The following LINGO2 variants were observed in gnomAD, a reference collection of about 807,000 sequenced individuals.
LINGO2 encodes the protein leucine-rich repeat and immunoglobulin-like domain-containing nogo receptor-interacting protein 2.
A neutral mutation model predicts 30.6 loss-of-function variants in LINGO2; 14 were observed. That is an observed-to-expected ratio of 0.46 (90% CI 0.30 to 0.72). LINGO2 has a LOEUF of 0.72. Ranked by LOEUF, LINGO2 falls within the 30% of genes least tolerant of loss-of-function variation. The probability of loss-of-function intolerance (pLI) is 0.07; values close to 1 mark genes in which losing one functional copy is unlikely to be tolerated. For synonymous variants in LINGO2, 317 were observed against 288.5 expected (o/e 1.10, Z -1.00); for missense variants, 729 against 751.7 (o/e 0.97, Z 0.35).
intron 1 of LINGO2, among the ~76,000 whole-genome samples, chr9:28,617,123 G>A (rs1267737145): frequency 6.6e-6 from 1 of 151,966 alleles, no homozygotes; most frequent in Non-Finnish European, 1.5e-5. Context: ...TATGAAAAAT[G>A]GAGTTATAGG....
chr9:28,043,174 G>C lies in LINGO2; in HGVS notation c.-86-30769C>G, dbSNP rs117015320. 9.3e-4 allele frequency among the ~76,000 whole-genome samples: 142 copies of C among 152,178 alleles called. No individual in the cohort carries two copies. In the East Asian group the frequency reaches 0.025, roughly 27 times the overall value. ...GTCAGTGTGTGCCTCCTCGGCATTTGAAGCTAGCACTAATTTTCAAATTTC... is the reference window on the plus strand; with the variant it reads ...GTCAGTGTGTGCCTCCTCGGCATTTCAAGCTAGCACTAATTTTCAAATTTC... On this transcript the variant is annotated intron_variant, in intron 4 of 5. Transcript: ENST00000379992.
chr9:28,842,820 A>T, the LINGO2 span, among the ~76,000 whole-genome samples: 1 of 151,778 alleles, frequency 6.6e-6, no homozygotes, highest in African/African-American at 2.4e-5. Context: ...TTCAACACTA[A>T]TCCCATCTCT....
At chr9:28,716,505 G>A in the LINGO2 span, among the ~76,000 whole-genome samples, 9 of 151,964 alleles carry the variant, frequency 5.9e-5, no homozygotes, top group South Asian at 2.1e-4. Context: ...TAAGACCTGC[G>A]TTAAAAAGAA....
At chr9:28,321,772 T>C (rs1825051630) in intron 3 of LINGO2, among the ~76,000 whole-genome samples, 1 of 152,180 alleles carries the variant, frequency 6.6e-6, no homozygotes, top group Non-Finnish European at 1.5e-5. Flanking sequence ...GAACATATTT[T>C]AGGTCATGTC....
intron 4 of LINGO2, among the ~76,000 whole-genome samples, chr9:28,162,141 A>G (rs1828304917): frequency 6.6e-6 from 1 of 152,134 alleles, no homozygotes; most frequent in Non-Finnish European, 1.5e-5. Context: ...GCCAGAAACC[A>G]GTACCAAATT....
At chr9:28,858,810 A>G in the LINGO2 span, among the ~76,000 whole-genome samples, 1 of 152,130 alleles carries the variant, frequency 6.6e-6, no homozygotes, top group Non-Finnish European at 1.5e-5. Flanking sequence ...CATTTTAAAA[A>G]AGAATTGAAT....
the LINGO2 span, among the ~76,000 whole-genome samples, chr9:29,104,841 C>T: frequency 6.6e-6 from 1 of 152,102 alleles, no homozygotes; most frequent in Non-Finnish European, 1.5e-5. Context: ...CAAATTTCTA[C>T]ACGAATATAT....
intron 5 of LINGO2, among the ~76,000 whole-genome samples, chr9:27,973,839 G>A (rs994354398): frequency 6.6e-6 from 1 of 152,190 alleles, no homozygotes; most frequent in African/African-American, 2.4e-5. Context: ...TTGTATTAGT[G>A]TTTTATCAAA....
chr9:28,103,227 A>G (rs1027035181), intron 4 of LINGO2, among the ~76,000 whole-genome samples: 1 of 152,154 alleles, frequency 6.6e-6, no homozygotes, highest in African/African-American at 2.4e-5. Flanking sequence ...GAAAAGCATA[A>G]TTAAGTGAAA....
At chr9:28,232,825 T>C (rs150445175) in intron 4 of LINGO2, among the ~76,000 whole-genome samples, 1 of 151,712 alleles carries the variant, frequency 6.6e-6, no homozygotes, top group East Asian at 1.9e-4. Flanking sequence ...GCTTGACTTC[T>C]TGCATTCCCC....
chr9:28,970,608 C>G, the LINGO2 span, among the ~76,000 whole-genome samples: 3 of 152,096 alleles, frequency 2.0e-5, no homozygotes, highest in Non-Finnish European at 4.4e-5. Flanking sequence ...GCATTGAACT[C>G]TGGGCCGTGT....
At chr9:28,549,662 G>A (rs914967541) in intron 1 of LINGO2, among the ~76,000 whole-genome samples, 4 of 151,830 alleles carry the variant, frequency 2.6e-5, no homozygotes, top group African/African-American at 9.6e-5. Flanking sequence ...TTTACTAATA[G>A]TAGTATCTTT....
intron 2 of LINGO2, among the ~76,000 whole-genome samples, chr9:28,411,266 T>A (rs17770163): frequency 0.26 from 38,882 of 151,910 alleles, 5,544 homozygotes; most frequent in Non-Finnish European, 0.32. Flanking sequence ...TTTTTTAGGA[T>A]CTATTTCAAA....
the LINGO2 span, among the ~76,000 whole-genome samples, chr9:29,195,262 C>T: frequency 6.6e-6 from 1 of 152,022 alleles, no homozygotes; most frequent in Non-Finnish European, 1.5e-5. Flanking sequence ...TTTAACCAGT[C>T]ACCTAATAGA....
intron 5 of LINGO2, among the ~76,000 whole-genome samples, chr9:27,973,980 T>C (rs1211923016): frequency 1.3e-5 from 2 of 152,178 alleles, no homozygotes; most frequent in East Asian, 3.9e-4. Context: ...TTTTCTCTTC[T>C]ACTCAAGAGT....
chr9:28,057,559 A>ACATATATATACACATATATG (rs1824986076), intron 4 of LINGO2, among the ~76,000 whole-genome samples: 1 of 126,168 alleles, frequency 7.9e-6, no homozygotes, highest in African/African-American at 3.1e-5. Flanking sequence ...ATAAGTATAT[A>ACATATATATACACATATATG]TATATACATA....
chr9:28,312,861 G>A (rs1355872800), intron 3 of LINGO2, among the ~76,000 whole-genome samples: 1 of 152,050 alleles, frequency 6.6e-6, no homozygotes, highest in African/African-American at 2.4e-5. Flanking sequence ...TTCTTAATCA[G>A]GGCTCTGTTG....
chr9:28,814,287 A>G, the LINGO2 span, among the ~76,000 whole-genome samples: 1 of 152,096 alleles, frequency 6.6e-6, no homozygotes, highest in Non-Finnish European at 1.5e-5. Context: ...AAATACAAAA[A>G]TTAGCTGGGT....
At chr9:29,072,285 T>C in the LINGO2 span, among the ~76,000 whole-genome samples, 2 of 152,130 alleles carry the variant, frequency 1.3e-5, no homozygotes, top group East Asian at 3.9e-4. Context: ...TGTAATAGAA[T>C]AGAAGCTAAT....
Sources: gnomAD v4.1 joint callset for allele counts (sites outside exome capture counted in the v4.1 genomes callset) on GRCh38, gnomAD v4.1.1 for gene constraint, MANE v1.5 for transcripts, NCBI Gene and HGNC (gene_info 2026-07-23, HGNC 2026-07-21) for gene names.